Variants in PLA2G15 observed in about 807,000 individuals in gnomAD.
PLA2G15 encodes lysosomal phospholipase A and acyltransferase.
A neutral mutation model predicts 40.9 loss-of-function variants in PLA2G15; 20 were observed. That is an observed-to-expected ratio of 0.49 (90% CI 0.34 to 0.71). The LOEUF is 0.71. Among genes scored for constraint, PLA2G15 ranks in the 30% least tolerant of loss-of-function variants. The pLI, the probability that PLA2G15 is intolerant of heterozygous loss-of-function variation, is 0.01. For missense variants in PLA2G15, 471 were observed against 541.9 expected, an observed-to-expected ratio of 0.87 and a Z score of 1.30; for synonymous variants, 223 against 228.2, an observed-to-expected ratio of 0.98 and a Z score of 0.21.
chr16:68,252,223 T>G (rs984228734), intron 2 of PLA2G15, among the ~76,000 whole-genome samples: 7 of 152,324 alleles, frequency 4.6e-5, no homozygotes, highest in Admixed American at 2.6e-4. Context: ...TATGTGGTCA[T>G]TGGGATAATC....
intron 2 of PLA2G15, 98 bp downstream of exon 2, chr16:68,249,544 C>A: frequency 8.7e-7 from 1 of 1,152,180 alleles, no homozygotes; most frequent in Non-Finnish European, 1.3e-6. Flanking sequence ...AGGTCACTGA[C>A]CTCTCTCCTT....
At chr16:68,252,320 TAAGTGGGC>T (rs1396174613) in intron 2 of PLA2G15, among the ~76,000 whole-genome samples, 1 of 152,202 alleles carries the variant, frequency 6.6e-6, no homozygotes, top group Non-Finnish European at 1.5e-5. Flanking sequence ...GGCTGATATC[TAAGTGGGC>T]AAGTGGGACT....
rs1322303207 is a variant in PLA2G15, at chr16:68,259,206, C to T, written c.788C>T (p.Ala263Val). 2 of 1,613,596 alleles carry T rather than the reference C, an allele frequency of 1.2e-6. No homozygotes were observed. Among genetic ancestry groups the T allele is most frequent in the African/African-American group, 2.7e-5 (2 of 74,946 alleles). The change falls in exon 6 of 6, where the codon GCT becomes GTT. Residue 263 changes from alanine to valine, a missense_variant. Coordinates refer to ENST00000219345, the MANE Select transcript of PLA2G15 (RefSeq NM_012320.4). The surrounding 1 kb of genome is among the most constrained non-coding windows in gnomAD (Gnocchi z 6.5). ...AAGATCCGGGAGCAGCAGCGGTCAG[C>T]TGTCTCCACCAGCTGGCTGCTGCCC... ...PLKIREQQRS[A>V]VSTSWLLPYN...
intron 2 of PLA2G15, chr16:68,253,458 C>T (rs1212656125): frequency 4.6e-6 from 2 of 438,616 alleles, no homozygotes; most frequent in Non-Finnish European, 4.6e-6. Flanking sequence ...CTCACTACAC[C>T]TCTGCCTCCC....
chr16:68,251,662 A>T (rs1289424505), intron 2 of PLA2G15, among the ~76,000 whole-genome samples: 1 of 152,052 alleles, frequency 6.6e-6, no homozygotes, highest in African/African-American at 2.4e-5. Flanking sequence ...AGCCCAGGTG[A>T]CAGTACAAGA....
At position 68,259,838 on chromosome 16, in the gene PLA2G15, G is replaced by A; in HGVS notation, c.*181G>A. 1.6e-6 allele frequency: 1 copy of A among 624,022 alleles called. No individual in the cohort carries two copies. The highest frequency in any genetic ancestry group is 2.8e-6 in the Non-Finnish European group (1 of 358,786). The allele number at this position is 624,022 out of a possible 1,614,324, so 38.7% of individuals were successfully genotyped here. On this transcript the variant is annotated 3_prime_UTR_variant, in exon 6 of 6. Transcript: ENST00000219345. This position sits in a 1 kb window ranked among gnomAD's most constrained non-coding sequence, Gnocchi z 6.5. ...ATCCTTTCTCTGTGGCAGTGAAGAA[G>A]GAAGAAATGAGAGTCTAGACTCAAG...
Position 68,255,185 on chromosome 16 carries a change from C to T in PLA2G15, c.404-97C>T. 9.6e-7 allele frequency: 1 copy of T among 1,043,852 alleles called. No homozygotes were observed. The highest frequency in any genetic ancestry group is 1.3e-5 in the South Asian group (1 of 77,556). 64.7% of individuals were successfully genotyped at this position (1,043,852 alleles called of 1,614,324 possible). On this transcript the variant is annotated intron_variant, in intron 3 of 5. Coordinates refer to ENST00000219345, the MANE Select transcript of PLA2G15 (RefSeq NM_012320.4). This position sits in a 1 kb window ranked among gnomAD's most constrained non-coding sequence, Gnocchi z 5.9. ...GGCACAGAGCCCTGTAGCATTCTTC[C>T]AAGGACCTGCTAGCTGTCACAGTCT...
intron 1 of PLA2G15, among the ~76,000 whole-genome samples, chr16:68,247,152 T>C (rs780695195): frequency 3.9e-5 from 6 of 152,064 alleles, no homozygotes; most frequent in Non-Finnish European, 7.4e-5. Flanking sequence ...GCCTTAGCCC[T>C]GGGAGACCTC....
intron 2 of PLA2G15, chr16:68,252,728 G>A (rs1378988637): frequency 2.5e-6 from 1 of 401,870 alleles, no homozygotes; most frequent in African/African-American, 2.1e-5. Flanking sequence ...AGCACTTTGG[G>A]AGGCTAAGGC....
At chr16:68,250,196 T>TTTTTTG in intron 2 of PLA2G15, 1 of 223,670 alleles carries the variant, frequency 4.5e-6, no homozygotes, top group Non-Finnish European at 9.2e-6. Context: ...TTTTTTTTTT[T>TTTTTTG]GGAGACGGAG....
Position 68,259,439 on chromosome 16 carries a change from T to G in PLA2G15, c.1021T>G (p.Ser341Ala). 1 of 1,613,896 alleles carries G rather than the reference T, an allele frequency of 6.2e-7. No homozygotes were observed. The highest frequency in any genetic ancestry group is 8.5e-7 in the Non-Finnish European group (1 of 1,179,970). The change falls in exon 6 of 6, where the codon TCC becomes GCC. Residue 341 changes from serine (S) to alanine (A), a missense_variant. Transcript: ENST00000219345. The surrounding 1 kb of genome is among the most constrained non-coding windows in gnomAD (Gnocchi z 6.5). ...TGGTACTGGCGTCCCCACACCAGAC[T>G]CCTTCTACTATGAGAGCTTCCCTGA... ...LYGTGVPTPD[S>A]FYYESFPDRD... is the part of the protein sequence containing the mutation.
chr16:68,258,307 A>G (rs1424336196), intron 5 of PLA2G15, among the ~76,000 whole-genome samples: 1 of 152,100 alleles, frequency 6.6e-6, no homozygotes, highest in Non-Finnish European at 1.5e-5. Context: ...GAAAAGAAAA[A>G]CTGGTACACA....
rs1028885468 is a variant in PLA2G15 at position 68,259,762 on chromosome 16, G to A, written c.*105G>A. 6 of 1,049,168 alleles carry A rather than the reference G, an allele frequency of 5.7e-6. No homozygotes were observed. In the African/African-American group the frequency reaches 7.9e-5, roughly 14 times the overall value. 65.0% of individuals were successfully genotyped at this position (1,049,168 alleles called of 1,614,324 possible). A position where few individuals can be genotyped will look rare whatever the true frequency, so the allele number is the denominator to read the frequency against. ...CAAAGTTTGTGACTCACCATTCAAG[G>A]CCCCGAGTCTTGGACTGTGAAGCAT... On this transcript the variant is annotated 3_prime_UTR_variant, in exon 6 of 6. Transcript: ENST00000219345. The surrounding 1 kb of genome is among the most constrained non-coding windows in gnomAD (Gnocchi z 6.5).
In PLA2G15 at chr16:68,249,274, C is replaced by G. The variant is rs371176361; in HGVS notation, c.128-16C>G. On this transcript the variant is annotated splice_polypyrimidine_tract_variant and intron_variant, in intron 1 of 5. Transcript: ENST00000219345. ...TGCCGGGCTGAGGGCTCACACATGT[C>G]CTGTGCCCCCTGCAGTCCCTGGTGA... 12 of 1,613,314 alleles carry G rather than the reference C, an allele frequency of 7.4e-6. No homozygotes were observed. The African/African-American group carries it at 1.2e-4, about 16-fold the overall frequency.
intron 5 of PLA2G15, chr16:68,258,895 G>A: frequency 4.1e-6 from 2 of 490,052 alleles, no homozygotes; most frequent in South Asian, 3.0e-5. Context: ...GAGAGGTTGA[G>A]GCTGCTGTGA....
At chr16:68,250,321 G>GA (rs1278619892) in intron 2 of PLA2G15, 3 of 338,776 alleles carry the variant, frequency 8.9e-6, no homozygotes, top group South Asian at 2.1e-5. Flanking sequence ...GCCCAGGCTG[G>GA]GTGCAGTGGC....
rs2042431862 is a variant in PLA2G15 at position 68,259,824 on chromosome 16, G to A, written c.*167G>A. 1.6e-6 allele frequency: 1 copy of A among 640,228 alleles called. No homozygotes were observed. Among genetic ancestry groups the A allele is most frequent in the Non-Finnish European group, 2.7e-6 (1 of 372,844 alleles). 39.7% of individuals were successfully genotyped at this position (640,228 alleles called of 1,614,324 possible). On this transcript the variant is annotated 3_prime_UTR_variant, in exon 6 of 6. Transcript: ENST00000219345. The surrounding 1 kb of genome is among the most constrained non-coding windows in gnomAD (Gnocchi z 6.5). ...AAGTGCTGTTTGTTATCCTTTCTCT[G>A]TGGCAGTGAAGAAGGAAGAAATGAG...
chr16:68,255,040 A>T lies in PLA2G15; in HGVS notation c.403+3A>T. On this transcript the variant is annotated splice_donor_region_variant and intron_variant, in intron 3 of 5. Transcript: ENST00000219345. The surrounding 1 kb of genome is among the most constrained non-coding windows in gnomAD (Gnocchi z 5.9). ...GGACCCCAGCAAAAGCAGCGTGGGTATGTAGCCCTTACTCAAGGCCTCCGG... is the reference window on the plus strand; with the variant it reads ...GGACCCCAGCAAAAGCAGCGTGGGTTTGTAGCCCTTACTCAAGGCCTCCGG... The T allele has an allele frequency of 6.3e-7, 1 of 1,593,584 alleles. No homozygotes were observed. The highest frequency in any genetic ancestry group is 8.6e-7 in the Non-Finnish European group (1 of 1,161,450).
intron 2 of PLA2G15, among the ~76,000 whole-genome samples, chr16:68,251,097 CT>C (rs145082746): frequency 1.4e-3 from 207 of 143,570 alleles, no homozygotes; most frequent in Middle Eastern, 3.6e-3. Context: ...GTGCTGTTTT[CT>C]TTTTTTTTTT....
Sources: allele counts gnomAD v4.1 joint callset (sites outside exome capture counted in the v4.1 genomes callset), GRCh38; gene constraint gnomAD v4.1.1; non-coding constraint Gnocchi (gnomAD v3.1); transcripts MANE v1.5; gene names NCBI Gene and HGNC (gene_info 2026-07-23, HGNC 2026-07-21).